The following PLD5 variants were observed in gnomAD, a reference collection of about 807,000 sequenced individuals.
The protein encoded by PLD5 is phospholipase D family member 5, also known as inactive phospholipase D5.
Under a neutral mutation model 61.1 loss-of-function variants are expected in PLD5, and 36 were observed. The observed-to-expected ratio is 0.59, with a 90% confidence interval of 0.45 to 0.78. PLD5 has a LOEUF of 0.78. Ranked by LOEUF, PLD5 falls within the 30% of genes least tolerant of loss-of-function variation. The probability of loss-of-function intolerance (pLI) is 0.00; values close to 1 mark genes in which losing one functional copy is unlikely to be tolerated. For synonymous variants in PLD5, 243 were observed against 242.8 expected, an observed-to-expected ratio of 1.00 and a Z score of -0.01; for missense variants, 515 against 644.4, an observed-to-expected ratio of 0.80 and a Z score of 2.17.
intron 2 of PLD5, among the ~76,000 whole-genome samples, chr1:242,307,827 G>A (rs1484558130): frequency 1.3e-5 from 2 of 152,084 alleles, no homozygotes; most frequent in Non-Finnish European, 1.5e-5. Context: ...TACATGGATG[G>A]ATTTCTATCC....
At chr1:242,096,865 G>C (rs1036993216) in intron 9 of PLD5, among the ~76,000 whole-genome samples, 15 of 151,826 alleles carry the variant, frequency 9.9e-5, no homozygotes, top group African/African-American at 3.4e-4. Context: ...TTTAACATTA[G>C]GTATATCTCC....
At chr1:242,199,443 T>C (rs1386691821) in intron 5 of PLD5, among the ~76,000 whole-genome samples, 4 of 151,996 alleles carry the variant, frequency 2.6e-5, no homozygotes, top group East Asian at 3.9e-4. Flanking sequence ...TTAGAAGAGA[T>C]GGTGTTTCAC....
intron 1 of PLD5, among the ~76,000 whole-genome samples, chr1:242,460,860 C>T (rs1667096307): frequency 6.6e-6 from 1 of 151,756 alleles, no homozygotes; most frequent in Non-Finnish European, 1.5e-5. Context: ...AAAGCAGAGG[C>T]CAGGCACGGT....
chr1:242,389,085 G>A (rs1662770799), intron 1 of PLD5, among the ~76,000 whole-genome samples: 1 of 151,894 alleles, frequency 6.6e-6, no homozygotes, highest in Non-Finnish European at 1.5e-5. Context: ...GAGAAACTAG[G>A]GTATTAAATG....
intron 9 of PLD5, 105 bp downstream of exon 9, chr1:242,100,563 G>T: frequency 1.3e-6 from 1 of 770,858 alleles, no homozygotes; most frequent in Non-Finnish European, 2.2e-6. Flanking sequence ...ACCAGCAGTG[G>T]TTCCCAAGGC....
chr1:242,149,719 G>C (rs1190391072), intron 5 of PLD5, among the ~76,000 whole-genome samples: 1 of 150,936 alleles, frequency 6.6e-6, no homozygotes, highest in Non-Finnish European at 1.5e-5. Context: ...TGATGTCTTT[G>C]AAAAAATTTA....
chr1:242,189,921 A>G (rs1021030646), intron 5 of PLD5, among the ~76,000 whole-genome samples: 1 of 152,138 alleles, frequency 6.6e-6, no homozygotes, highest in African/African-American at 2.4e-5. Flanking sequence ...ATGAGGGGGA[A>G]TGTGGAAGAG....
chr1:242,113,747 C>T (rs978325508), intron 7 of PLD5, 143 bp downstream of exon 7: 2 of 1,011,460 alleles, frequency 2.0e-6, no homozygotes, highest in Non-Finnish European at 2.7e-6. Flanking sequence ...ATTGCCAATG[C>T]ATGTTAAACA....
intron 6 of PLD5, among the ~76,000 whole-genome samples, chr1:242,116,431 T>A (rs1661950719): frequency 6.6e-6 from 1 of 152,202 alleles, no homozygotes; most frequent in African/African-American, 2.4e-5. Context: ...ACTTTTATTT[T>A]AGACTCAGGG....
At chr1:242,413,832 T>C (rs1370670087) in intron 1 of PLD5, among the ~76,000 whole-genome samples, 1 of 152,146 alleles carries the variant, frequency 6.6e-6, no homozygotes, top group Non-Finnish European at 1.5e-5. Flanking sequence ...CAATAAGTGG[T>C]ATAGGATTGC....
At position 242,524,547 on chromosome 1, in the gene PLD5, G is replaced by C. The variant is rs1372744297; in HGVS notation, c.-271C>G. Reference sequence around the variant, plus strand: ...GCGGGGGCGGGGGCGGGGGCGGAGGGGGACGGACGGGGAGAAGGGGGACGA... The same window carrying C: ...GCGGGGGCGGGGGCGGGGGCGGAGGCGGACGGACGGGGAGAAGGGGGACGA... On this transcript the variant is annotated 5_prime_UTR_variant, in exon 1 of 10. Transcript: ENST00000536534. 1 of 138,190 alleles carries C rather than the reference G, an allele frequency of 7.2e-6. No individual in the cohort carries two copies. Among genetic ancestry groups the C allele is most frequent in the Non-Finnish European group, 1.5e-5 (1 of 64,972 alleles). 8.6% of individuals were successfully genotyped at this position (138,190 alleles called of 1,614,324 possible).
chr1:242,163,293 G>A (rs1014143812), intron 5 of PLD5, among the ~76,000 whole-genome samples: 20 of 151,784 alleles, frequency 1.3e-4, no homozygotes, highest in Non-Finnish European at 1.8e-4. Context: ...ACAGGCGCCC[G>A]CCACCACGCC....
At chr1:242,469,766 T>C (rs1478251806) in intron 1 of PLD5, among the ~76,000 whole-genome samples, 1 of 152,112 alleles carries the variant, frequency 6.6e-6, no homozygotes, top group Non-Finnish European at 1.5e-5. Flanking sequence ...CCAGGGAACA[T>C]GCACGAACCC....
chr1:242,149,507 C>T (rs1664773495), intron 5 of PLD5, among the ~76,000 whole-genome samples: 2 of 144,832 alleles, frequency 1.4e-5, no homozygotes, highest in South Asian at 4.4e-4. Context: ...AAGTGTTTTA[C>T]TTTTTTTTTT....
intron 1 of PLD5, among the ~76,000 whole-genome samples, chr1:242,438,932 C>T (rs1031390768): frequency 6.7e-6 from 1 of 149,266 alleles, no homozygotes; most frequent in Non-Finnish European, 1.5e-5. Context: ...GCCAGCTGCC[C>T]CTTCCCCAGC....
chr1:242,110,067 C>T (rs1023927634), intron 7 of PLD5, among the ~76,000 whole-genome samples: 6 of 144,796 alleles, frequency 4.1e-5, no homozygotes, highest in Non-Finnish European at 9.0e-5. Context: ...TATTATATTA[C>T]TATATTATAT....
intron 5 of PLD5, chr1:242,208,977 C>T (rs77644124): frequency 1.3e-5 from 2 of 152,192 alleles, no homozygotes; most frequent in Admixed American, 1.3e-4. Flanking sequence ...CTATTGAACC[C>T]ACCTTCAACT....
chr1:242,195,705 A>T (rs974566130), intron 5 of PLD5, among the ~76,000 whole-genome samples: 2 of 152,048 alleles, frequency 1.3e-5, no homozygotes, highest in African/African-American at 4.8e-5. Flanking sequence ...GCATCTGGGG[A>T]CCTCTACCCC....
chr1:242,357,220 T>A (rs1312385808), intron 1 of PLD5, among the ~76,000 whole-genome samples: 1 of 151,998 alleles, frequency 6.6e-6, no homozygotes, highest in Admixed American at 6.5e-5. Context: ...GGTTGTTTTT[T>A]GTTTTTTTTT....
Sources: gnomAD v4.1 joint callset for allele counts (sites outside exome capture counted in the v4.1 genomes callset) on GRCh38, gnomAD v4.1.1 for gene constraint, MANE v1.5 for transcripts, NCBI Gene and HGNC (gene_info 2026-07-23, HGNC 2026-07-21) for gene names.